DNAH12: variants seen among roughly 807,000 people sequenced by gnomAD.
DNAH12 encodes the protein dynein axonemal heavy chain 12.
In DNAH12, 285 loss-of-function variants were observed where a neutral mutation model predicts 371.5. That is an observed-to-expected ratio of 0.77 (90% CI 0.70 to 0.85). The LOEUF (loss-of-function observed/expected upper bound fraction) is 0.85. Ranked by LOEUF, DNAH12 falls within the 40% of genes least tolerant of loss-of-function variation. DNAH12 has a pLI of 0.00. For synonymous variants in DNAH12, 1,200 were observed against 1,213.0 expected (o/e 0.99, Z 0.22); for missense variants, 3,611 against 3,689.4 (o/e 0.98, Z 0.55).
chr3:57,446,706 A>G lies in DNAH12; in HGVS notation c.3787-17T>C, dbSNP rs1025026709. ...AGCACCTATCTGAAATGAAAAACAC[A>G]TGTGAAAAGAAATCCATGCTTAAAT... On this transcript the variant is annotated splice_polypyrimidine_tract_variant and intron_variant, in intron 25 of 73. Coordinates refer to ENST00000495027, the MANE Select transcript of DNAH12 (RefSeq NM_001366028.2). 30 of 1,473,946 alleles carry G rather than the reference A, an allele frequency of 2.0e-5. No homozygotes were observed. The highest frequency in any genetic ancestry group is 2.5e-5 in the Non-Finnish European group (28 of 1,106,880). The allele number at this position is 1,473,946 out of a possible 1,614,324, so 91.3% of individuals were successfully genotyped here.
chr3:57,467,164 C>G (rs2153379262), intron 17 of DNAH12, among the ~76,000 whole-genome samples: 1 of 152,274 alleles, frequency 6.6e-6, no homozygotes, highest in South Asian at 2.1e-4. Context: ...ATTGCCCAGA[C>G]TGGGCATGCA....
intron 32 of DNAH12, 131 bp from the exon 33 acceptor site, chr3:57,429,905 A>G: frequency 1.3e-6 from 1 of 741,374 alleles, no homozygotes; most frequent in Non-Finnish European, 2.1e-6. Context: ...AAGCCAGAAA[A>G]TCTTAATTCT....
At chr3:57,530,885 C>A in intron 2 of DNAH12, 1 of 159,104 alleles carries the variant, frequency 6.3e-6, no homozygotes. Context: ...CGGGGCACTC[C>A]AGCTCATACT....
chr3:57,543,884 T>TA (rs1559769486), intron 1 of DNAH12, among the ~76,000 whole-genome samples: 3 of 151,542 alleles, frequency 2.0e-5, no homozygotes, highest in African/African-American at 7.3e-5. Context: ...CCATCTCTAC[T>TA]AAAAATACAA....
At chr3:57,545,439 G>A (rs1226701560), upstream of DNAH12, among the ~76,000 whole-genome samples, 1 of 151,676 alleles carries the variant, frequency 6.6e-6, no homozygotes, top group Non-Finnish European at 1.5e-5. Context: ...GATTACAGGC[G>A]TGAACCACTG....
chr3:57,313,905 G>A (rs927460938), intron 66 of DNAH12, among the ~76,000 whole-genome samples: 1 of 152,164 alleles, frequency 6.6e-6, no homozygotes, highest in African/African-American at 2.4e-5. Flanking sequence ...ACAAGCTCTG[G>A]GGTCTAATAT....
intron 59 of DNAH12, among the ~76,000 whole-genome samples, chr3:57,356,325 C>A (rs898848612): frequency 6.6e-6 from 1 of 151,946 alleles, no homozygotes; most frequent in African/African-American, 2.4e-5. Context: ...CACCTGTAGT[C>A]CCAGCTGCTC....
Position 57,502,057 on chromosome 3 carries a change from C to T in DNAH12, c.1243+266G>A, listed in dbSNP as rs567761403. ...GAGTAGCCGGGACTACAGGCGCCCG[C>T]CACGACGCCCGGCTAATTTTTTGTA... On this transcript the variant is annotated intron_variant, in intron 10 of 73. Coordinates refer to ENST00000495027, the MANE Select transcript of DNAH12 (RefSeq NM_001366028.2). Among the ~76,000 whole-genome samples, 8 of 152,228 alleles carry T rather than the reference C, an allele frequency of 5.3e-5. 1 individual carries two copies. The South Asian group carries it at 1.7e-3, about 32-fold the overall frequency.
chr3:57,543,123 C>T (rs902952532), intron 1 of DNAH12, among the ~76,000 whole-genome samples: 3 of 152,030 alleles, frequency 2.0e-5, no homozygotes, highest in Non-Finnish European at 4.4e-5. Flanking sequence ...GTCAGTTCCC[C>T]TTCAGGGCTT....
In DNAH12 at chr3:57,457,790, T is replaced by A; in HGVS notation, c.3267A>T (p.Glu1089Asp). The change falls in exon 22 of 74, where the codon GAA becomes GAT. Residue 1089 changes from glutamate (E) to aspartate (D), a missense_variant. Around this residue, in one of 3 missense-constraint regions of DNAH12, gnomAD observed 1,314 missense variants for 1,398.7 expected, o/e 0.94. Coordinates refer to ENST00000495027, the MANE Select transcript of DNAH12 (RefSeq NM_001366028.2). ...ISTSAARGAV[E>D]KWLIQVEDLM... ...GGTCTTCCACTTGAATGAGCCACTT[T>A]TCCACAGCACCCCGCGCTGCAGACG... 2 of 1,551,594 alleles carry A rather than the reference T, an allele frequency of 1.3e-6. No homozygotes were observed. The highest frequency in any genetic ancestry group is 1.7e-6 in the Non-Finnish European group (2 of 1,146,972).
chr3:57,321,114 T>C (rs925947580), intron 65 of DNAH12, among the ~76,000 whole-genome samples: 1 of 152,212 alleles, frequency 6.6e-6, no homozygotes, highest in Non-Finnish European at 1.5e-5. Flanking sequence ...GAGCTTAGAA[T>C]CTTTCAAAAT....
At chr3:57,518,644 A>T (rs2068293890) in intron 4 of DNAH12, among the ~76,000 whole-genome samples, 1 of 152,204 alleles carries the variant, frequency 6.6e-6, no homozygotes, top group Non-Finnish European at 1.5e-5. Context: ...TGTTTTGAGA[A>T]CTATATAGAG....
intron 2 of DNAH12, among the ~76,000 whole-genome samples, chr3:57,538,869 A>G (rs905355789): frequency 2.0e-5 from 3 of 152,204 alleles, no homozygotes; most frequent in Non-Finnish European, 4.4e-5. Flanking sequence ...TCCAACTGCT[A>G]TTAATGTATT....
Position 57,293,778 on chromosome 3 carries a change from A to G in DNAH12, c.*3T>C. 6.5e-7 allele frequency: 1 copy of G among 1,547,882 alleles called. No homozygotes were observed. The highest frequency in any genetic ancestry group is 8.7e-7 in the Non-Finnish European group (1 of 1,145,780). ...TTTTGGATGTTTTATAAATTTGTCC[A>G]ATTTAGTCATCCAACTGACAAAGCA... On this transcript the variant is annotated 3_prime_UTR_variant, in exon 74 of 74. Transcript: ENST00000495027.
chr3:57,515,303 AG>A (rs1205416836), intron 4 of DNAH12, among the ~76,000 whole-genome samples: 1 of 152,182 alleles, frequency 6.6e-6, no homozygotes, highest in Non-Finnish European at 1.5e-5. Flanking sequence ...GGGCTAGAAT[AG>A]AAAAAGTATA....
At chr3:57,401,202 G>T (rs2063849771) in intron 43 of DNAH12, among the ~76,000 whole-genome samples, 1 of 151,850 alleles carries the variant, frequency 6.6e-6, no homozygotes, top group Non-Finnish European at 1.5e-5. Context: ...AAAACTTGAG[G>T]GATGCAGCAA....
At chr3:57,436,874 CT>C (rs2065143407) in intron 30 of DNAH12, 76 bp downstream of exon 30, 1 of 1,073,136 alleles carries the variant, frequency 9.3e-7, no homozygotes, top group Admixed American at 3.7e-5. Flanking sequence ...TTTGCCAAGT[CT>C]TTGGTTCATG....
chr3:57,456,636 C>T (rs768103225), intron 22 of DNAH12, among the ~76,000 whole-genome samples: 3 of 152,148 alleles, frequency 2.0e-5, no homozygotes, highest in African/African-American at 4.8e-5. Context: ...ATTTACCACT[C>T]GTGTCTGAAG....
At chr3:57,403,789 C>T (rs1409395881) in intron 42 of DNAH12, among the ~76,000 whole-genome samples, 1 of 152,102 alleles carries the variant, frequency 6.6e-6, no homozygotes, top group Non-Finnish European at 1.5e-5. Flanking sequence ...AGTATATTAT[C>T]ACTTTTATTA....
Sources: allele counts gnomAD v4.1 joint callset (sites outside exome capture counted in the v4.1 genomes callset), GRCh38; gene constraint gnomAD v4.1.1; regional missense constraint gnomAD v4.1.1; transcripts MANE v1.5; gene names NCBI Gene and HGNC (gene_info 2026-07-23, HGNC 2026-07-21).